The following FGFR2 variants were observed in gnomAD, a reference collection of about 807,000 sequenced individuals.
The protein encoded by FGFR2 is BEK fibroblast growth factor receptor.
In FGFR2, 19 loss-of-function variants were observed where a neutral mutation model predicts 95.9. The observed-to-expected ratio is 0.20, with a 90% CI of 0.14 to 0.29. The LOEUF (loss-of-function observed/expected upper bound fraction) is 0.29, where lower values mean the gene tolerates loss of function less well. Among genes scored for constraint, FGFR2 ranks in the 10% least tolerant of loss-of-function variants. FGFR2 has a pLI of 1.00. For synonymous variants in FGFR2, 392 were observed against 393.3 expected (o/e 1.00, Z 0.04); for missense variants, 707 against 1,056.9 (o/e 0.67, Z 4.59).
In FGFR2 at chr10:121,567,611, T is replaced by C. The variant is rs1306580437; in HGVS notation, c.110-1907A>G. Among the ~76,000 whole-genome samples the C allele has an allele frequency of 3.9e-5, 6 of 152,336 alleles. No individual in the cohort carries two copies. In the South Asian group the frequency reaches 8.3e-4, roughly 21 times the overall value. Reference sequence around the variant, plus strand: ...AAAATCTACAAAAAATACAGTGTTCTTGCTTAAGCATTAGGAAGAAGGACA... The same window carrying C: ...AAAATCTACAAAAAATACAGTGTTCCTGCTTAAGCATTAGGAAGAAGGACA... On this transcript the variant is annotated intron_variant, in intron 2 of 17. Transcript: ENST00000358487.
At chr10:121,536,511 C>T (rs1852843075) in intron 6 of FGFR2, among the ~76,000 whole-genome samples, 1 of 152,206 alleles carries the variant, frequency 6.6e-6, no homozygotes, top group African/African-American at 2.4e-5. Flanking sequence ...CATTACACCA[C>T]TGAATCATAC....
rs369835507 is a variant in FGFR2, at chr10:121,518,858, C to A, written c.939+1121G>T. 6.2e-7 allele frequency: 1 copy of A among 1,613,792 alleles called. No homozygotes were observed. The highest frequency in any genetic ancestry group is 1.1e-5 in the South Asian group (1 of 91,070). ...GAACAGACACAGGAGAACAATATAA[C>A]GGCCAACCAGGAAGGTCTTAGCATT... On this transcript the variant is annotated intron_variant, in intron 7 of 17. Transcript: ENST00000358487. The surrounding 1 kb of genome is among the most constrained non-coding windows in gnomAD (Gnocchi z 4.0).
intron 1 of FGFR2, among the ~76,000 whole-genome samples, chr10:121,596,979 T>A (rs1184394195): frequency 3.3e-5 from 5 of 152,064 alleles, no homozygotes; most frequent in African/African-American, 1.2e-4. Context: ...AGGGAGACAA[T>A]GGAGTTTTAA....
chr10:121,598,333 G>A lies in FGFR2; in HGVS notation c.-522C>T. On this transcript the variant is annotated 5_prime_UTR_variant, in exon 1 of 18. Transcript: ENST00000358487. ...GCCCGGAGAGCAGTCGCCGCGCCGG[G>A]CCAGGTACGCCGCATGCAGCCCCGC... 3.4e-6 allele frequency: 1 copy of A among 292,806 alleles called. No homozygotes were observed. The allele number at this position is 292,806 out of a possible 1,614,324, so 18.1% of individuals were successfully genotyped here. A position where few individuals can be genotyped will look rare whatever the true frequency, so the allele number is the denominator to read the frequency against.
At chr10:121,541,782 A>G (rs1853793678) in intron 5 of FGFR2, among the ~76,000 whole-genome samples, 1 of 152,258 alleles carries the variant, frequency 6.6e-6, no homozygotes, top group Non-Finnish European at 1.5e-5. Context: ...GTGAATGTGT[A>G]GGGAAATAAA....
chr10:121,507,014 A>AG (rs1158730766), intron 9 of FGFR2, among the ~76,000 whole-genome samples: 1 of 152,222 alleles, frequency 6.6e-6, no homozygotes, highest in Non-Finnish European at 1.5e-5. Flanking sequence ...AACTTACAAG[A>AG]TCACTGCTTT....
At position 121,598,085 on chromosome 10, in the gene FGFR2, T is replaced by A; in HGVS notation, c.-274A>T. 2.5e-6 allele frequency: 1 copy of A among 398,074 alleles called. No individual in the cohort carries two copies. The highest frequency in any genetic ancestry group is 3.6e-5 in the East Asian group (1 of 28,028). The allele number at this position is 398,074 out of a possible 1,614,324, so 24.7% of individuals were successfully genotyped here. On this transcript the variant is annotated 5_prime_UTR_variant, in exon 1 of 18. Coordinates refer to ENST00000358487, the MANE Select transcript of FGFR2 (RefSeq NM_000141.5). ...CAAACGCAGAAGAGTGGTCCTTGGG[T>A]CTTCGCCGGCGCCAAGCCTCCCGGG...
intron 1 of FGFR2, among the ~76,000 whole-genome samples, chr10:121,594,901 A>G (rs1262610156): frequency 6.6e-6 from 1 of 152,258 alleles, no homozygotes; most frequent in African/African-American, 2.4e-5. Context: ...TTTTCAGAGT[A>G]TAAGTTAGAA....
intron 2 of FGFR2, among the ~76,000 whole-genome samples, chr10:121,588,312 G>T (rs929754319): frequency 2.0e-5 from 3 of 151,928 alleles, no homozygotes; most frequent in African/African-American, 7.3e-5. Flanking sequence ...TTAATACCTG[G>T]GTGATGAAAC....
At chr10:121,540,114 T>C (rs1853478550) in intron 5 of FGFR2, among the ~76,000 whole-genome samples, 1 of 152,190 alleles carries the variant, frequency 6.6e-6, no homozygotes, top group South Asian at 2.1e-4. Context: ...GCCTCCTTCC[T>C]CCTTAACAGA....
intron 1 of FGFR2, among the ~76,000 whole-genome samples, chr10:121,596,844 T>C (rs1337470158): frequency 1.3e-5 from 2 of 152,154 alleles, no homozygotes; most frequent in Non-Finnish European, 2.9e-5. Context: ...CAGAGAAATC[T>C]GCATTTTAAT....
chr10:121,552,611 G>C (rs1015227710), intron 4 of FGFR2, among the ~76,000 whole-genome samples: 3 of 152,172 alleles, frequency 2.0e-5, no homozygotes, highest in Non-Finnish European at 4.4e-5. Flanking sequence ...GCTTCTCCAC[G>C]AGGTTGGAAT....
intron 6 of FGFR2, among the ~76,000 whole-genome samples, chr10:121,533,120 G>A (rs1053227056): frequency 6.6e-5 from 10 of 152,238 alleles, no homozygotes; most frequent in Non-Finnish European, 1.0e-4. Flanking sequence ...CGGGCACGGT[G>A]GCTCATGCCT....
At chr10:121,514,103 CTG>C (rs1046525910) in intron 9 of FGFR2, among the ~76,000 whole-genome samples, 4 of 152,156 alleles carry the variant, frequency 2.6e-5, no homozygotes, top group African/African-American at 9.7e-5. Context: ...ACAAGAATCT[CTG>C]GGGCTGAGAC....
intron 17 of FGFR2, chr10:121,482,135 C>T (rs1303642913): frequency 2.5e-6 from 4 of 1,609,912 alleles, no homozygotes; most frequent in Non-Finnish European, 3.4e-6. Flanking sequence ...CTGCGCCTGA[C>T]CAACTTTTCC....
At position 121,513,402 on chromosome 10, in the gene FGFR2, T is replaced by A. The variant is rs190135305; in HGVS notation, c.1287+1715A>T. 1.9e-3 allele frequency among the ~76,000 whole-genome samples: 286 copies of A among 152,250 alleles called. 2 individuals carry two copies. The highest frequency in any genetic ancestry group is 6.4e-3 in the African/African-American group (266 of 41,556). Reference sequence around the variant, plus strand: ...CACTGGGGAAAGAAAACACGATGACTGTGGCTGAGTCAGGGGGATTTTAAG... The same window carrying A: ...CACTGGGGAAAGAAAACACGATGACAGTGGCTGAGTCAGGGGGATTTTAAG... On this transcript the variant is annotated intron_variant, in intron 9 of 17. Coordinates refer to ENST00000358487, the MANE Select transcript of FGFR2 (RefSeq NM_000141.5).
intron 10 of FGFR2, among the ~76,000 whole-genome samples, chr10:121,503,467 C>A (rs1258139426): frequency 6.6e-6 from 1 of 152,170 alleles, no homozygotes; most frequent in Non-Finnish European, 1.5e-5. Context: ...AATGTCAGAT[C>A]TGTTTTATAA....
In FGFR2 at chr10:121,549,699, T is replaced by C. The variant is rs565438442; in HGVS notation, c.624+1591A>G. Among the ~76,000 whole-genome samples the C allele has an allele frequency of 3.6e-4, 55 of 152,300 alleles. No homozygotes were observed. The East Asian group carries it at 3.7e-3, about 10-fold the overall frequency. ...GCCCTATGAAGAGGCCCGTGTGGCATGGAACAGTGGGCAGCCCCCAGCCAA... is the reference window on the plus strand; with the variant it reads ...GCCCTATGAAGAGGCCCGTGTGGCACGGAACAGTGGGCAGCCCCCAGCCAA... On this transcript the variant is annotated intron_variant, in intron 5 of 17. Coordinates refer to ENST00000358487, the MANE Select transcript of FGFR2 (RefSeq NM_000141.5).
Position 121,479,833 on chromosome 10 carries a change from T to C in FGFR2, c.*24A>G. The C allele has an allele frequency of 1.9e-6, 3 of 1,614,044 alleles. No individual in the cohort carries two copies. Among genetic ancestry groups the C allele is most frequent in the Non-Finnish European group, 2.5e-6 (3 of 1,179,928 alleles). ...AGCTAGGTTCCCAGTGCTGTCCTGT[T>C]TGGGGACAGGCAGACACAGTCATTC... On this transcript the variant is annotated 3_prime_UTR_variant, in exon 18 of 18. Coordinates refer to ENST00000358487, the MANE Select transcript of FGFR2 (RefSeq NM_000141.5).
Sources: gnomAD v4.1 joint callset for allele counts (sites outside exome capture counted in the v4.1 genomes callset) on GRCh38, gnomAD v4.1.1 for gene constraint, Gnocchi (gnomAD v3.1) non-coding constraint, MANE v1.5 for transcripts, NCBI Gene and HGNC (gene_info 2026-07-23, HGNC 2026-07-21) for gene names.